The following ENOX2 variants were observed in gnomAD, a reference collection of about 807,000 sequenced individuals.
The protein encoded by ENOX2 is ecto-NOX disulfide-thiol exchanger 2, also known as APK1 antigen.
A neutral mutation model predicts 45.0 loss-of-function variants in ENOX2; 36 were observed. The observed-to-expected ratio is 0.80, with a 90% confidence interval of 0.61 to 1.06. The LOEUF (loss-of-function observed/expected upper bound fraction) is 1.06, where lower values mean the gene tolerates loss of function less well. ENOX2 is among the 50% of genes least tolerant of loss of function. ENOX2 has a pLI of 0.00. For missense variants in ENOX2, 423 were observed against 462.5 expected (o/e 0.91, Z 0.78); for synonymous variants, 174 against 152.3 (o/e 1.14, Z -1.05).
At chrX:130,879,029 A>T in intron 2 of ENOX2, among the ~76,000 whole-genome samples, 1 of 111,834 alleles carries the variant, frequency 8.9e-6, no homozygotes, top group South Asian at 3.8e-4. Flanking sequence ...CCTTACCACA[A>T]ATTGAGGTGA....
chrX:130,900,128 T>C lies in ENOX2; in HGVS notation c.-183+1556A>G, dbSNP rs147891834. Among the ~76,000 whole-genome samples, 25 of 112,024 alleles carry C rather than the reference T, an allele frequency of 2.2e-4. No homozygotes were observed. In the East Asian group the frequency reaches 7.1e-3, roughly 32 times the overall value. On this transcript the variant is annotated intron_variant, in intron 2 of 14. Coordinates refer to ENST00000394363, the MANE Select transcript of ENOX2 (RefSeq NM_006375.4). ...CTGATCGTGGTGCTCTTCTAAAACATGTTAATGGTTTCTTATGGCCTACAA... is the reference window on the plus strand; with the variant it reads ...CTGATCGTGGTGCTCTTCTAAAACACGTTAATGGTTTCTTATGGCCTACAA...
In ENOX2 at chrX:130,783,611, T is replaced by C; in HGVS notation, c.-103A>G. The C allele has an allele frequency of 3.0e-6, 1 of 330,279 alleles. No individual in the cohort carries two copies. 27.2% of individuals were successfully genotyped at this position (330,279 alleles called of 1,213,427 possible). On this transcript the variant is annotated 5_prime_UTR_variant, in exon 3 of 15. Coordinates refer to ENST00000394363, the MANE Select transcript of ENOX2 (RefSeq NM_006375.4). ...CCCCTCCATTCTCAATGAGGCCTTC[T>C]GTGACCAGAGGGCCACTGGCACTAC...
intron 5 of ENOX2, among the ~76,000 whole-genome samples, chrX:130,680,109 T>C (rs914145068): frequency 1.8e-5 from 2 of 112,142 alleles, no homozygotes; most frequent in African/African-American, 6.5e-5. Context: ...GTTTAAACTG[T>C]TATTTTCAAG....
At chrX:130,783,355 T>A (rs1316186548) in intron 3 of ENOX2, among the ~76,000 whole-genome samples, 192 bp downstream of exon 3, 2 of 111,863 alleles carry the variant, frequency 1.8e-5, no homozygotes, top group African/African-American at 6.5e-5. Flanking sequence ...CTCTATCTAA[T>A]TATCACAGTT....
chrX:130,630,246 T>TA (rs919541618), intron 13 of ENOX2, among the ~76,000 whole-genome samples: 3 of 110,958 alleles, frequency 2.7e-5, no homozygotes, highest in African/African-American at 6.6e-5. Context: ...TGTGATATAA[T>TA]AAAAAAATTA....
intron 4 of ENOX2, among the ~76,000 whole-genome samples, chrX:130,699,150 C>T (rs1279333950): frequency 1.8e-5 from 2 of 112,262 alleles, no homozygotes; most frequent in East Asian, 5.6e-4. Flanking sequence ...AGCTGCCAGC[C>T]AGAGGGGACC....
intron 2 of ENOX2, among the ~76,000 whole-genome samples, chrX:130,824,556 T>A (rs767015996): frequency 8.9e-6 from 1 of 112,069 alleles, no homozygotes; most frequent in East Asian, 2.8e-4. Context: ...GACCTTGATA[T>A]ATTTTATTCC....
At chrX:130,710,347 T>A in intron 3 of ENOX2, among the ~76,000 whole-genome samples, 1 of 112,410 alleles carries the variant, frequency 8.9e-6, no homozygotes, top group South Asian at 3.7e-4. Context: ...ATAGAATATT[T>A]GAGCTGAGGG....
intron 3 of ENOX2, among the ~76,000 whole-genome samples, chrX:130,746,086 C>T (rs1603338321): frequency 8.9e-6 from 1 of 112,204 alleles, no homozygotes; most frequent in Non-Finnish European, 1.9e-5. Flanking sequence ...CATACGTTCT[C>T]ACTTCCAAGA....
At chrX:130,648,265 CCTGT>C (rs934479728) in intron 10 of ENOX2, among the ~76,000 whole-genome samples, 5 of 109,563 alleles carry the variant, frequency 4.6e-5, no homozygotes, top group African/African-American at 1.7e-4. Context: ...CATAGAGAAA[CCTGT>C]CTCTACTAAA....
At chrX:130,899,358 G>A (rs1473555746) in intron 2 of ENOX2, among the ~76,000 whole-genome samples, 1 of 111,898 alleles carries the variant, frequency 8.9e-6, no homozygotes, top group East Asian at 2.8e-4. Context: ...CCATTTATTA[G>A]GTGACTACCA....
In ENOX2 at chrX:130,896,701, G is replaced by A. The variant is rs187761939; in HGVS notation, c.-183+4983C>T. Reference sequence around the variant, plus strand: ...GGAAAACTATAGATTTTTTTTCCTGGAGTATTTAAAAGTAACAATTCCTTA... The same window carrying A: ...GGAAAACTATAGATTTTTTTTCCTGAAGTATTTAAAAGTAACAATTCCTTA... On this transcript the variant is annotated intron_variant, in intron 2 of 14. Coordinates refer to ENST00000394363, the MANE Select transcript of ENOX2 (RefSeq NM_006375.4). Among the ~76,000 whole-genome samples, 13 of 111,336 alleles carry A rather than the reference G, an allele frequency of 1.2e-4. No homozygotes were observed. The East Asian group carries it at 3.7e-3, about 31-fold the overall frequency.
At chrX:130,899,987 T>C (rs1277545009) in intron 2 of ENOX2, among the ~76,000 whole-genome samples, 1 of 112,102 alleles carries the variant, frequency 8.9e-6, no homozygotes, top group Non-Finnish European at 1.9e-5. Context: ...ATCTCTTCGC[T>C]CCGCTCACGT....
chrX:130,714,492 C>A (rs1451369065), intron 3 of ENOX2, among the ~76,000 whole-genome samples: 1 of 111,567 alleles, frequency 9.0e-6, no homozygotes, highest in Non-Finnish European at 1.9e-5. Context: ...ACACCCACTA[C>A]AAATTTGAGA....
intron 2 of ENOX2, among the ~76,000 whole-genome samples, chrX:130,823,217 A>C: frequency 8.9e-6 from 1 of 112,121 alleles, no homozygotes; most frequent in Middle Eastern, 4.7e-3. Context: ...GCAAAATAAA[A>C]GATAATCAGG....
intron 10 of ENOX2, among the ~76,000 whole-genome samples, chrX:130,652,021 T>C (rs1053715069): frequency 1.8e-5 from 2 of 111,985 alleles, no homozygotes; most frequent in Admixed American, 1.9e-4. Flanking sequence ...TCGATTCTAG[T>C]TGCCATTTAT....
chrX:130,676,802 G>A (rs1281781978), intron 6 of ENOX2, among the ~76,000 whole-genome samples: 1 of 111,182 alleles, frequency 9.0e-6, no homozygotes, highest in Admixed American at 9.5e-5. Context: ...ATTACAACAG[G>A]CTTCTAACTG....
chrX:130,667,804 A>AAGCTCTTCCAAAGC, intron 7 of ENOX2, 62 bp from the exon 8 acceptor site: 1 of 911,849 alleles, frequency 1.1e-6, no homozygotes, highest in African/African-American at 2.0e-5. Context: ...TTTTCCCAAC[A>AAGCTCTTCCAAAGC]TGCTGGCAAA....
chrX:130,645,775 T>A, intron 10 of ENOX2: 1 of 827,517 alleles, frequency 1.2e-6, no homozygotes, highest in Non-Finnish European at 1.8e-6. Context: ...AAGAGGTGGG[T>A]TCTCGTCCTG....
Sources: allele counts gnomAD v4.1 joint callset (sites outside exome capture counted in the v4.1 genomes callset), GRCh38; gene constraint gnomAD v4.1.1; transcripts MANE v1.5; gene names NCBI Gene and HGNC (gene_info 2026-07-23, HGNC 2026-07-21).